The following HMBOX1 variants were observed in gnomAD, a reference collection of about 807,000 sequenced individuals.
HMBOX1 encodes the protein homeobox-containing protein 1.
Under a neutral mutation model 54.5 loss-of-function variants are expected in HMBOX1, and 14 were observed. The ratio of observed to expected loss-of-function variants is 0.26; its 90% CI spans 0.17 to 0.40. The LOEUF (loss-of-function observed/expected upper bound fraction) is 0.40, where lower values mean the gene tolerates loss of function less well. Ranked by LOEUF, HMBOX1 falls within the 10% of genes least tolerant of loss-of-function variation. The probability of loss-of-function intolerance (pLI) is 1.00; values close to 1 mark genes in which losing one functional copy is unlikely to be tolerated. For synonymous variants in HMBOX1, 160 were observed against 181.0 expected, an observed-to-expected ratio of 0.88 and a Z score of 0.93; for missense variants, 332 against 514.4, an observed-to-expected ratio of 0.65 and a Z score of 3.43.
At position 29,052,306 on chromosome 8, in the gene HMBOX1, G is replaced by C. The variant is rs1400628161; in HGVS notation, c.*1151G>C. Reference sequence around the variant, plus strand: ...TCCTACTCACATTGTGGCTGTATGAGAACACGATGGGACTGCTTTGCTGTT... The same window carrying C: ...TCCTACTCACATTGTGGCTGTATGACAACACGATGGGACTGCTTTGCTGTT... On this transcript the variant is annotated 3_prime_UTR_variant, in exon 10 of 10. Transcript: ENST00000287701. 4 of 152,242 alleles carry C rather than the reference G, an allele frequency of 2.6e-5. No individual in the cohort carries two copies. Among genetic ancestry groups the C allele is most frequent in the Non-Finnish European group, 5.9e-5 (4 of 68,060 alleles). The allele number at this position is 152,242 out of a possible 1,614,324, so 9.4% of individuals were successfully genotyped here.
chr8:28,946,429 G>A (rs1419139669), intron 1 of HMBOX1, among the ~76,000 whole-genome samples: 2 of 151,884 alleles, frequency 1.3e-5, no homozygotes, highest in Non-Finnish European at 2.9e-5. Context: ...TATTAGCCTG[G>A]CATGGTGGTG....
chr8:28,961,878 G>A (rs958057129), intron 1 of HMBOX1, among the ~76,000 whole-genome samples: 1 of 148,292 alleles, frequency 6.7e-6, no homozygotes, highest in African/African-American at 2.5e-5. Context: ...ATAGGCATTC[G>A]AATGGGTGTC....
At chr8:28,928,810 A>G (rs1585863392) in intron 1 of HMBOX1, among the ~76,000 whole-genome samples, 1 of 152,236 alleles carries the variant, frequency 6.6e-6, no homozygotes, top group Non-Finnish European at 1.5e-5. Context: ...CAAATTCCAC[A>G]TGATCTCACT....
intron 6 of HMBOX1, among the ~76,000 whole-genome samples, chr8:29,031,283 C>G (rs541903776): frequency 3.3e-5 from 5 of 152,248 alleles, no homozygotes; most frequent in African/African-American, 1.2e-4. Flanking sequence ...TCTTTACATT[C>G]AACTCTGATA....
chr8:28,971,337 C>T lies in HMBOX1; in HGVS notation c.500+818C>T, dbSNP rs144339891. Among the ~76,000 whole-genome samples the T allele has an allele frequency of 3.3e-3, 498 of 152,052 alleles. 7 individuals carry two copies. Among genetic ancestry groups the T allele is most frequent in the African/African-American group, 0.011 (463 of 41,506 alleles). ...AACTCCTGATCTCAGGTGATCCACC[C>T]GCCTCGGCCTCCCAAAGTGCTGGGA... On this transcript the variant is annotated intron_variant, in intron 3 of 9. Transcript: ENST00000287701.
chr8:29,046,071 T>C (rs375166923), intron 7 of HMBOX1, among the ~76,000 whole-genome samples: 1 of 152,246 alleles, frequency 6.6e-6, no homozygotes, highest in East Asian at 1.9e-4. Context: ...CATAAACCAT[T>C]TTCAGTTAAC....
At chr8:28,907,179 G>A (rs1355110891) in intron 1 of HMBOX1, among the ~76,000 whole-genome samples, 1 of 152,242 alleles carries the variant, frequency 6.6e-6, no homozygotes, top group East Asian at 1.9e-4. Flanking sequence ...TATTCCTTGT[G>A]GTGGTGGTGT....
At chr8:28,974,750 G>A (rs551094435) in intron 3 of HMBOX1, among the ~76,000 whole-genome samples, 21 of 152,180 alleles carry the variant, frequency 1.4e-4, no homozygotes, top group African/African-American at 4.6e-4. Context: ...AAAATGTATG[G>A]GAATAGGTTT....
intron 7 of HMBOX1, among the ~76,000 whole-genome samples, 187 bp from the exon 8 acceptor site, chr8:29,047,171 A>G (rs1046788165): frequency 6.6e-6 from 1 of 152,194 alleles, no homozygotes; most frequent in Non-Finnish European, 1.5e-5. Context: ...ATTCATTTAC[A>G]TATTTATTCA....
intron 6 of HMBOX1, among the ~76,000 whole-genome samples, chr8:29,040,608 C>T (rs541967079): frequency 6.6e-6 from 1 of 152,248 alleles, no homozygotes; most frequent in African/African-American, 2.4e-5. Flanking sequence ...GCTAGAGTAG[C>T]ATGTTTCAAT....
chr8:29,031,442 G>A (rs572479550), intron 6 of HMBOX1, among the ~76,000 whole-genome samples: 8 of 151,602 alleles, frequency 5.3e-5, no homozygotes, highest in East Asian at 1.9e-4. Context: ...TTATAATAAC[G>A]TAAAAAGCCA....
At position 28,898,628 on chromosome 8, in the gene HMBOX1, A is replaced by T. The variant is rs1490922560; in HGVS notation, c.-58+7950A>T. ...CAGCATCTCCTTCCATGTCTGCTTC[A>T]TCTCCCTTTCTCACTTCTCCCTTCC... On this transcript the variant is annotated intron_variant, in intron 1 of 9. Coordinates refer to ENST00000287701, the MANE Select transcript of HMBOX1 (RefSeq NM_001135726.3). Among the ~76,000 whole-genome samples, 5 of 152,128 alleles carry T rather than the reference A, an allele frequency of 3.3e-5. No individual in the cohort carries two copies. In the South Asian group the frequency reaches 6.2e-4, roughly 19 times the overall value.
intron 5 of HMBOX1, among the ~76,000 whole-genome samples, chr8:29,014,993 A>G (rs980089553): frequency 1.3e-5 from 2 of 151,946 alleles, no homozygotes; most frequent in Admixed American, 1.3e-4. Flanking sequence ...ATTTCTTTCA[A>G]AATAACCAGG....
chr8:28,924,251 T>C (rs1226287205), intron 1 of HMBOX1, among the ~76,000 whole-genome samples: 1 of 151,264 alleles, frequency 6.6e-6, no homozygotes, highest in Non-Finnish European at 1.5e-5. Flanking sequence ...GGACTACAGG[T>C]GCCCGCCACC....
intron 3 of HMBOX1, among the ~76,000 whole-genome samples, chr8:28,973,083 C>T (rs1214042491): frequency 6.6e-6 from 1 of 152,130 alleles, no homozygotes; most frequent in East Asian, 1.9e-4. Flanking sequence ...GCACCCTCAC[C>T]CACTGCTGCA....
At chr8:28,917,432 G>A (rs188025894) in intron 1 of HMBOX1, among the ~76,000 whole-genome samples, 9 of 152,158 alleles carry the variant, frequency 5.9e-5, no homozygotes, top group Non-Finnish European at 8.8e-5. Flanking sequence ...AAATTCATAC[G>A]TTAGTTTGAA....
intron 1 of HMBOX1, among the ~76,000 whole-genome samples, chr8:28,945,937 G>C (rs1004338345): frequency 2.4e-4 from 36 of 149,976 alleles, no homozygotes; most frequent in African/African-American, 8.3e-4. Context: ...AATCCATAGG[G>C]CATATTCTTT....
chr8:28,968,055 A>G (rs914658977), intron 2 of HMBOX1, among the ~76,000 whole-genome samples: 4 of 152,240 alleles, frequency 2.6e-5, no homozygotes, highest in African/African-American at 9.6e-5. Context: ...AATCAGTGAA[A>G]TGGAATAGAC....
At chr8:29,034,667 C>T (rs1046640571) in intron 6 of HMBOX1, among the ~76,000 whole-genome samples, 25 of 152,116 alleles carry the variant, frequency 1.6e-4, no homozygotes, top group African/African-American at 4.8e-4. Flanking sequence ...ACCAGCCTGG[C>T]CAACATGGTG....
Sources: gnomAD v4.1 joint callset for allele counts (sites outside exome capture counted in the v4.1 genomes callset) on GRCh38, gnomAD v4.1.1 for gene constraint, MANE v1.5 for transcripts, NCBI Gene and HGNC (gene_info 2026-07-23, HGNC 2026-07-21) for gene names.